The following GALNT11 variants were observed in gnomAD, a reference collection of about 807,000 sequenced individuals.
The protein encoded by GALNT11 is UDP-GalNAc:polypeptide N-acetylgalactosaminyltransferase 11.
A neutral mutation model predicts 72.7 loss-of-function variants in GALNT11; 47 were observed. The observed-to-expected ratio is 0.65, with a 90% CI of 0.51 to 0.82. The LOEUF (loss-of-function observed/expected upper bound fraction) is 0.82. Among genes scored for constraint, GALNT11 ranks in the 40% least tolerant of loss-of-function variants. The pLI, the probability that GALNT11 is intolerant of heterozygous loss-of-function variation, is 0.00. For missense variants in GALNT11, 677 were observed against 778.4 expected (o/e 0.87, Z 1.55); for synonymous variants, 270 against 286.6 (o/e 0.94, Z 0.58).
intron 1 of GALNT11, among the ~76,000 whole-genome samples, chr7:152,039,468 TG>T (rs1468887235): frequency 6.6e-6 from 1 of 152,150 alleles, no homozygotes; most frequent in Non-Finnish European, 1.5e-5. Flanking sequence ...TGTCAGCCCT[TG>T]TTGAAGGCAG....
intron 1 of GALNT11, among the ~76,000 whole-genome samples, chr7:152,065,102 G>T (rs570974827): frequency 3.4e-4 from 52 of 152,332 alleles, no homozygotes; most frequent in African/African-American, 1.3e-3. Flanking sequence ...ATCAGACGTA[G>T]ATTTGGTCTT....
At chr7:152,040,235 A>G (rs1051022414) in intron 1 of GALNT11, among the ~76,000 whole-genome samples, 8 of 151,862 alleles carry the variant, frequency 5.3e-5, no homozygotes, top group Non-Finnish European at 8.8e-5. Flanking sequence ...ATTGGCATGT[A>G]GCCCAGACAA....
chr7:152,100,657 C>G, intron 2 of GALNT11, 141 bp from the exon 3 acceptor site: 1 of 1,021,380 alleles, frequency 9.8e-7, no homozygotes, highest in Non-Finnish European at 1.4e-6. Flanking sequence ...TTGACTTCAA[C>G]CTAGAGACAA....
chr7:152,078,800 T>C (rs983065507), intron 1 of GALNT11, among the ~76,000 whole-genome samples: 9 of 152,182 alleles, frequency 5.9e-5, no homozygotes, highest in Non-Finnish European at 1.3e-4. Context: ...AAAATTTTGA[T>C]TGGACAAAAA....
intron 1 of GALNT11, among the ~76,000 whole-genome samples, chr7:152,063,681 C>G (rs1267050656): frequency 1.3e-5 from 2 of 152,176 alleles, no homozygotes; most frequent in East Asian, 3.8e-4. Context: ...TCATTGGTTT[C>G]AAAGAACATC....
At chr7:152,073,622 T>A (rs1242487696) in intron 1 of GALNT11, among the ~76,000 whole-genome samples, 1 of 152,240 alleles carries the variant, frequency 6.6e-6, no homozygotes, top group Non-Finnish European at 1.5e-5. Context: ...AGATGTCTCT[T>A]CGATATACCA....
intron 4 of GALNT11, chr7:152,103,514 C>A (rs1447372698): frequency 4.6e-6 from 2 of 436,888 alleles, no homozygotes; most frequent in South Asian, 4.1e-5. Context: ...CTTTAAAAAA[C>A]ACACCTCTTT....
intron 3 of GALNT11, among the ~76,000 whole-genome samples, chr7:152,101,841 C>G (rs993323471): frequency 6.6e-6 from 1 of 152,066 alleles, no homozygotes; most frequent in Non-Finnish European, 1.5e-5. Context: ...ACCATGTTGG[C>G]CAGGCTGGTC....
chr7:152,064,902 A>G (rs2084219928), intron 1 of GALNT11, among the ~76,000 whole-genome samples: 2 of 152,102 alleles, frequency 1.3e-5, no homozygotes, highest in African/African-American at 4.8e-5. Flanking sequence ...CCTTCATTTC[A>G]AATTTGGTGA....
intron 1 of GALNT11, among the ~76,000 whole-genome samples, chr7:152,029,973 T>TA (rs2082227570): frequency 6.6e-6 from 1 of 152,266 alleles, no homozygotes; most frequent in South Asian, 2.1e-4. Flanking sequence ...ATTGGAGTGT[T>TA]ACAGAGTTAC....
intron 1 of GALNT11, among the ~76,000 whole-genome samples, chr7:152,066,783 TTGAG>T (rs774603090): frequency 5.9e-5 from 9 of 152,198 alleles, no homozygotes; most frequent in Non-Finnish European, 8.8e-5. Flanking sequence ...CACACATTTA[TTGAG>T]TAAGTTCCCT....
In GALNT11 at chr7:152,062,412, CAG is replaced by C. The variant is rs546239645; in HGVS notation, c.-38-31777_-38-31776del. Among the ~76,000 whole-genome samples the C allele has an allele frequency of 9.8e-5, 15 of 152,286 alleles. 1 individual carries two copies. In the South Asian group the frequency reaches 2.9e-3, roughly 29 times the overall value. Reference sequence around the variant, plus strand: ...AATATACAATCATGTCATCTGCAAACAGGGACAATTTGACTTCCACTTTTCCT... The same window carrying C: ...AATATACAATCATGTCATCTGCAAACGGACAATTTGACTTCCACTTTTCCT... On this transcript the variant is annotated intron_variant, in intron 1 of 11. Coordinates refer to ENST00000430044, the MANE Select transcript of GALNT11 (RefSeq NM_022087.4).
intron 1 of GALNT11, among the ~76,000 whole-genome samples, chr7:152,029,758 A>G (rs1191978045): frequency 1.3e-5 from 2 of 152,128 alleles, no homozygotes; most frequent in Non-Finnish European, 2.9e-5. Flanking sequence ...TTTTTCCTTA[A>G]TCACCCAGGA....
intron 5 of GALNT11, among the ~76,000 whole-genome samples, chr7:152,106,975 C>T (rs1003083403): frequency 1.1e-4 from 16 of 152,194 alleles, no homozygotes; most frequent in African/African-American, 3.4e-4. Flanking sequence ...TAAGTGACAG[C>T]GGAGAGCTGC....
intron 1 of GALNT11, among the ~76,000 whole-genome samples, chr7:152,075,838 G>A (rs1298685706): frequency 2.0e-5 from 3 of 150,902 alleles, no homozygotes; most frequent in Non-Finnish European, 2.9e-5. Context: ...GAGGCGGGCG[G>A]ATCACGAGGT....
intron 1 of GALNT11, among the ~76,000 whole-genome samples, chr7:152,052,233 ACAGTTTGC>A (rs2083440573): frequency 6.6e-6 from 1 of 152,078 alleles, no homozygotes; most frequent in Non-Finnish European, 1.5e-5. Flanking sequence ...TGTATATATC[ACAGTTTGC>A]TTATCCATTC....
intron 5 of GALNT11, among the ~76,000 whole-genome samples, chr7:152,105,893 C>G (rs1301227014): frequency 6.6e-6 from 1 of 152,170 alleles, no homozygotes; most frequent in Non-Finnish European, 1.5e-5. Context: ...CCTTCTGATT[C>G]CATCAAGGAG....
intron 8 of GALNT11, 100 bp downstream of exon 8, chr7:152,113,498 C>G (rs1301386982): frequency 7.3e-7 from 1 of 1,366,338 alleles, no homozygotes; most frequent in African/African-American, 1.4e-5. Context: ...GCATATTTCT[C>G]TTGGTTAACC....
At position 152,122,076 on chromosome 7, in the gene GALNT11, A is replaced by T; in HGVS notation, c.*399A>T. 1 of 158,016 alleles carries T rather than the reference A, an allele frequency of 6.3e-6. No individual in the cohort carries two copies. Among genetic ancestry groups the T allele is most frequent in the East Asian group, 1.9e-4 (1 of 5,376 alleles). 9.8% of individuals were successfully genotyped at this position (158,016 alleles called of 1,614,324 possible). Reference sequence around the variant, plus strand: ...TCAGATTTATTTATGCCTCTTTTTAATCCCCTTTAATGATGCAGTGGTTTT... The same window carrying T: ...TCAGATTTATTTATGCCTCTTTTTATTCCCCTTTAATGATGCAGTGGTTTT... On this transcript the variant is annotated 3_prime_UTR_variant, in exon 12 of 12. Coordinates refer to ENST00000430044, the MANE Select transcript of GALNT11 (RefSeq NM_022087.4).
Sources: allele counts gnomAD v4.1 joint callset (sites outside exome capture counted in the v4.1 genomes callset), GRCh38; gene constraint gnomAD v4.1.1; transcripts MANE v1.5; gene names NCBI Gene and HGNC (gene_info 2026-07-23, HGNC 2026-07-21).